The following CAMTA1 variants were observed in gnomAD, a reference collection of about 807,000 sequenced individuals.
CAMTA1 encodes the protein calmodulin binding transcription activator 1.
Under a neutral mutation model 170.9 loss-of-function variants are expected in CAMTA1, and 27 were observed. The observed-to-expected ratio is 0.16, with a 90% CI of 0.12 to 0.22. CAMTA1 has a LOEUF of 0.22. Among genes scored for constraint, CAMTA1 ranks in the 10% least tolerant of loss-of-function variants. The probability of loss-of-function intolerance (pLI) is 1.00; values close to 1 mark genes in which losing one functional copy is unlikely to be tolerated. For synonymous variants in CAMTA1, 833 were observed against 891.5 expected, an observed-to-expected ratio of 0.93 and a Z score of 1.17; for missense variants, 1,619 against 2,217.2, an observed-to-expected ratio of 0.73 and a Z score of 5.42.
At chr1:6,873,439 T>A (rs570298797) in intron 3 of CAMTA1, among the ~76,000 whole-genome samples, 2 of 152,102 alleles carry the variant, frequency 1.3e-5, no homozygotes, top group Non-Finnish European at 2.9e-5. Context: ...CATGACTGCT[T>A]GTTGCCTCCA....
At chr1:7,131,826 C>T (rs1355035655) in intron 4 of CAMTA1, among the ~76,000 whole-genome samples, 1 of 152,064 alleles carries the variant, frequency 6.6e-6, no homozygotes, top group Non-Finnish European at 1.5e-5. Flanking sequence ...GAGGCCGAGG[C>T]GGGTGGATCA....
intron 6 of CAMTA1, among the ~76,000 whole-genome samples, chr1:7,600,285 T>C (rs1421967509): frequency 6.6e-6 from 1 of 151,160 alleles, no homozygotes; most frequent in East Asian, 1.9e-4. Context: ...ATCCCAGGGA[T>C]GAAGCCCAGT....
intron 5 of CAMTA1, among the ~76,000 whole-genome samples, chr1:7,256,326 G>A (rs1667357430): frequency 6.6e-6 from 1 of 152,112 alleles, no homozygotes; most frequent in African/African-American, 2.4e-5. Context: ...TTGGGAGGCC[G>A]AGGCAGGCGG....
At chr1:7,009,479 T>G (rs1259300721) in intron 3 of CAMTA1, among the ~76,000 whole-genome samples, 1 of 152,170 alleles carries the variant, frequency 6.6e-6, no homozygotes, top group Non-Finnish European at 1.5e-5. Flanking sequence ...TCCGGCCCCC[T>G]CTTCACTTTT....
intron 3 of CAMTA1, among the ~76,000 whole-genome samples, chr1:7,000,320 C>A (rs1372317321): frequency 6.6e-6 from 1 of 152,250 alleles, no homozygotes; most frequent in Admixed American, 6.5e-5. Context: ...CCAAGACTTT[C>A]CTCTTGTTTG....
chr1:7,666,876 T>TTTTG (rs955368897), intron 9 of CAMTA1, among the ~76,000 whole-genome samples: 2 of 150,526 alleles, frequency 1.3e-5, no homozygotes, highest in Admixed American at 1.3e-4. Flanking sequence ...GCTGTTGTTG[T>TTTTG]TTTGTTTTGT....
intron 10 of CAMTA1, among the ~76,000 whole-genome samples, chr1:7,675,700 C>A (rs1398893595): frequency 6.6e-6 from 1 of 152,136 alleles, no homozygotes; most frequent in Non-Finnish European, 1.5e-5. Context: ...GTCTAGGCAA[C>A]AAATGATGGC....
intron 3 of CAMTA1, among the ~76,000 whole-genome samples, chr1:6,868,906 A>G (rs954000510): frequency 1.5e-4 from 23 of 152,344 alleles, no homozygotes; most frequent in African/African-American, 5.3e-4. Flanking sequence ...CTTGTATCCT[A>G]TGCAAGGTTT....
intron 4 of CAMTA1, among the ~76,000 whole-genome samples, chr1:7,176,591 G>A (rs1388005239): frequency 1.3e-5 from 2 of 152,158 alleles, no homozygotes; most frequent in Non-Finnish European, 1.5e-5. Flanking sequence ...TCTACAGCTC[G>A]TTCGCACTTT....
intron 3 of CAMTA1, among the ~76,000 whole-genome samples, chr1:7,058,282 A>G (rs1707675262): frequency 6.6e-6 from 1 of 152,024 alleles, no homozygotes; most frequent in Admixed American, 6.6e-5. Context: ...TTTGTTTTAC[A>G]CTCAGGATGT....
intron 3 of CAMTA1, among the ~76,000 whole-genome samples, chr1:7,013,965 C>T (rs1212984872): frequency 1.3e-5 from 2 of 152,248 alleles, no homozygotes; most frequent in African/African-American, 2.4e-5. Context: ...GACCTGCTGC[C>T]AGAGGCAAGG....
intron 5 of CAMTA1, among the ~76,000 whole-genome samples, chr1:7,419,193 G>C (rs893052579): frequency 4.7e-5 from 3 of 63,834 alleles, no homozygotes; most frequent in Non-Finnish European, 9.3e-5. Flanking sequence ...TTTTGCTCTT[G>C]TTGCCCAGGC....
chr1:7,618,639 C>G (rs977830877), intron 6 of CAMTA1, among the ~76,000 whole-genome samples: 2 of 152,206 alleles, frequency 1.3e-5, no homozygotes, highest in African/African-American at 4.8e-5. Flanking sequence ...GGCCACACAT[C>G]AGGGAAGGCT....
At chr1:6,989,496 G>A (rs1198808445) in intron 3 of CAMTA1, among the ~76,000 whole-genome samples, 1 of 152,200 alleles carries the variant, frequency 6.6e-6, no homozygotes, top group Non-Finnish European at 1.5e-5. Context: ...TTTACAGTGT[G>A]GAGGCTGTTT....
chr1:7,404,166 C>G (rs1159268173), intron 5 of CAMTA1, among the ~76,000 whole-genome samples: 2 of 152,234 alleles, frequency 1.3e-5, no homozygotes, highest in Non-Finnish European at 2.9e-5. Context: ...GATCCCCACT[C>G]CCGACACCAC....
At chr1:7,355,205 C>CAA (rs200603818) in intron 5 of CAMTA1, among the ~76,000 whole-genome samples, 4 of 112,890 alleles carry the variant, frequency 3.5e-5, no homozygotes, top group Non-Finnish European at 5.4e-5. Context: ...AACTCCGTCT[C>CAA]AAAAAAAAAA....
At position 7,766,608 on chromosome 1, in the gene CAMTA1, T is replaced by C. The variant is rs2097026873; in HGVS notation, c.*117T>C. On this transcript the variant is annotated 3_prime_UTR_variant, in exon 23 of 23. Coordinates refer to ENST00000303635, the MANE Select transcript of CAMTA1 (RefSeq NM_015215.4). ...ACGCACACACGCACACACACACACG[T>C]ACACACACATACAAAATCCCTCTGC... 1.0e-5 allele frequency: 8 copies of C among 797,434 alleles called. No individual in the cohort carries two copies. Among genetic ancestry groups the C allele is most frequent in the Middle Eastern group, 4.6e-4 (2 of 4,384 alleles). 49.4% of individuals were successfully genotyped at this position (797,434 alleles called of 1,614,324 possible). A position where few individuals can be genotyped will look rare whatever the true frequency, so the allele number is the denominator to read the frequency against.
At chr1:6,849,057 C>T (rs915526598) in intron 3 of CAMTA1, among the ~76,000 whole-genome samples, 1 of 152,134 alleles carries the variant, frequency 6.6e-6, no homozygotes, top group Non-Finnish European at 1.5e-5. Flanking sequence ...GGAGGCTCTG[C>T]TTTTAGGCAG....
At chr1:7,055,915 C>T (rs1032278040) in intron 3 of CAMTA1, among the ~76,000 whole-genome samples, 1 of 152,040 alleles carries the variant, frequency 6.6e-6, no homozygotes, top group Non-Finnish European at 1.5e-5. Context: ...ACAGCGAGTC[C>T]CCTGCCCCTT....
Sources: gnomAD v4.1 joint callset for allele counts (sites outside exome capture counted in the v4.1 genomes callset) on GRCh38, gnomAD v4.1.1 for gene constraint, MANE v1.5 for transcripts, NCBI Gene and HGNC (gene_info 2026-07-23, HGNC 2026-07-21) for gene names.